Variants in BCAS3 observed in about 807,000 individuals in gnomAD.
BCAS3 encodes the protein BCAS4/BCAS3 fusion.
In BCAS3, 53 loss-of-function variants were observed where a neutral mutation model predicts 116.1. The observed-to-expected ratio is 0.46, with a 90% CI of 0.37 to 0.57. BCAS3 has a LOEUF of 0.57. Ranked by LOEUF, BCAS3 falls within the 20% of genes least tolerant of loss-of-function variation. The pLI is 0.00. For synonymous variants in BCAS3, 391 were observed against 408.2 expected (o/e 0.96, Z 0.51); for missense variants, 917 against 1,165.4 (o/e 0.79, Z 3.10).
rs35691381 is a variant in BCAS3, at chr17:60,770,400, CTTTTTTTTTTTTTTTTTTTT to C, written c.403+23139_403+23158del. 1.2e-3 allele frequency among the ~76,000 whole-genome samples: 90 copies of C among 76,912 alleles called. 4 individuals are homozygous for C. In the East Asian group the frequency reaches 0.023, roughly 20 times the overall value. The allele number at this position is 76,912 out of a possible 152,430, so 50.5% of individuals were successfully genotyped here. On this transcript the variant is annotated intron_variant, in intron 6 of 23. Coordinates refer to ENST00000407086, the MANE Select transcript of BCAS3 (RefSeq NM_017679.5). ...CGCCTCTCTCATCCCAGTGTTCCCT[CTTTTTTTTTTTTTTTTTTTT>C]TTTTTTTTTTTTTTTTTGAGACAGA...
At chr17:61,005,545 T>G (rs984004629) in intron 15 of BCAS3, among the ~76,000 whole-genome samples, 5 of 152,114 alleles carry the variant, frequency 3.3e-5, no homozygotes, top group African/African-American at 1.2e-4. Context: ...CTTTCCCATC[T>G]GAAGGAAATG....
At chr17:60,929,105 T>G (rs1436053293) in intron 13 of BCAS3, among the ~76,000 whole-genome samples, 1 of 152,234 alleles carries the variant, frequency 6.6e-6, no homozygotes, top group East Asian at 1.9e-4. Flanking sequence ...ATAAGTTTAC[T>G]AATGTGATTA....
chr17:61,003,600 G>C (rs1003600234), intron 15 of BCAS3, among the ~76,000 whole-genome samples: 4 of 151,828 alleles, frequency 2.6e-5, no homozygotes, highest in Admixed American at 2.6e-4. Flanking sequence ...ATCTGGAGCA[G>C]TGATTTTCAA....
rs369339861 is a variant in BCAS3 at position 60,889,699 on chromosome 17, C to T, written c.666C>T (p.Cys222=). 219 of 1,612,718 alleles carry T rather than the reference C, an allele frequency of 1.4e-4. No individual in the cohort carries two copies. Among genetic ancestry groups the T allele is most frequent in the Non-Finnish European group, 1.7e-4 (199 of 1,179,576 alleles). The change falls in exon 10 of 24, where the codon TGC becomes TGT. Residue 222 remains cysteine, a synonymous_variant. Coordinates refer to ENST00000407086, the MANE Select transcript of BCAS3 (RefSeq NM_017679.5). ...GTGCCATTTGAAATTTTTCAGGCTGCTATCCATGTCCAGGGCCAAACATGA... is the reference window on the plus strand; with the variant it reads ...GTGCCATTTGAAATTTTTCAGGCTGTTATCCATGTCCAGGGCCAAACATGA... The part of the protein sequence containing the change: ...TFTKKFFVTS[C]YPCPGPNMNP...
chr17:60,837,298 A>G (rs963068248), intron 7 of BCAS3, among the ~76,000 whole-genome samples: 4 of 152,162 alleles, frequency 2.6e-5, no homozygotes, highest in Non-Finnish European at 4.4e-5. Flanking sequence ...AGATTATCAT[A>G]CCTCCTAATT....
At chr17:60,813,706 T>C (rs1354845541) in intron 7 of BCAS3, among the ~76,000 whole-genome samples, 1 of 152,218 alleles carries the variant, frequency 6.6e-6, no homozygotes, top group Non-Finnish European at 1.5e-5. Flanking sequence ...TTGCAATTGC[T>C]TTTGAGGACT....
chr17:61,335,859 G>A (rs540890951), intron 22 of BCAS3, among the ~76,000 whole-genome samples: 16 of 152,260 alleles, frequency 1.1e-4, no homozygotes, highest in Non-Finnish European at 1.3e-4. Context: ...GGCCAAAAAC[G>A]CAAAGCACCA....
At chr17:60,757,828 T>C (rs2144331548) in intron 6 of BCAS3, among the ~76,000 whole-genome samples, 1 of 152,240 alleles carries the variant, frequency 6.6e-6, no homozygotes, top group Non-Finnish European at 1.5e-5. Context: ...GTCATGAAGG[T>C]TTTGCCTAGA....
intron 19 of BCAS3, among the ~76,000 whole-genome samples, chr17:61,046,110 T>A (rs1198945729): frequency 1.5e-5 from 1 of 65,932 alleles, no homozygotes; most frequent in Non-Finnish European, 2.8e-5. Flanking sequence ...TATATATATA[T>A]AAAGTAAAAT....
chr17:61,003,682 T>A (rs1456305822), intron 15 of BCAS3: 1 of 152,138 alleles, frequency 6.6e-6, no homozygotes, highest in Non-Finnish European at 1.5e-5. Context: ...ATCAGACTGA[T>A]TGAACCAAAA....
intron 13 of BCAS3, among the ~76,000 whole-genome samples, chr17:60,933,309 T>C (rs1567902641): frequency 6.6e-6 from 1 of 152,240 alleles, no homozygotes; most frequent in Non-Finnish European, 1.5e-5. Context: ...AAATCCTCAA[T>C]TCTGTGCAAT....
chr17:61,102,749 G>A (rs971788605), intron 22 of BCAS3, among the ~76,000 whole-genome samples: 1 of 152,020 alleles, frequency 6.6e-6, no homozygotes, highest in African/African-American at 2.4e-5. Context: ...AAGAGTATAG[G>A]AACATCTGTC....
intron 22 of BCAS3, among the ~76,000 whole-genome samples, chr17:61,257,460 T>TCCAC (rs2048880141): frequency 6.7e-6 from 1 of 150,302 alleles, no homozygotes. Flanking sequence ...ATTCTGGCAT[T>TCCAC]CCACCCATGT....
At chr17:60,880,875 TAG>T (rs2056064689) in intron 9 of BCAS3, among the ~76,000 whole-genome samples, 2 of 152,372 alleles carry the variant, frequency 1.3e-5, no homozygotes, top group African/African-American at 4.8e-5. Context: ...TTTTATATTC[TAG>T]ATATGTCACT....
intron 14 of BCAS3, among the ~76,000 whole-genome samples, chr17:60,971,385 C>T (rs2061950864): frequency 6.6e-6 from 1 of 152,164 alleles, no homozygotes; most frequent in African/African-American, 2.4e-5. Flanking sequence ...ATACTCAGTT[C>T]TCCTGCTGTC....
At chr17:60,797,473 T>A (rs1028815535) in intron 6 of BCAS3, among the ~76,000 whole-genome samples, 6 of 152,102 alleles carry the variant, frequency 3.9e-5, no homozygotes, top group Non-Finnish European at 8.8e-5. Context: ...TCCGGCCTCC[T>A]GAGTAGCTGG....
intron 22 of BCAS3, among the ~76,000 whole-genome samples, chr17:61,092,718 C>T (rs1487879281): frequency 6.6e-6 from 1 of 151,994 alleles, no homozygotes; most frequent in South Asian, 2.1e-4. Context: ...TTATTGAATA[C>T]CAAGTGTTCT....
intron 22 of BCAS3, among the ~76,000 whole-genome samples, chr17:61,176,081 G>T (rs896115754): frequency 2.1e-5 from 3 of 143,476 alleles, no homozygotes; most frequent in African/African-American, 7.9e-5. Flanking sequence ...GAAGGCTGCA[G>T]TGAGCCATGA....
chr17:60,937,999 C>T lies in BCAS3; in HGVS notation c.1088-9220C>T, dbSNP rs928383032. On this transcript the variant is annotated intron_variant, in intron 13 of 23. Coordinates refer to ENST00000407086, the MANE Select transcript of BCAS3 (RefSeq NM_017679.5). ...AACACTCATTTATCCTTAGACTTTT[C>T]CAATTATATTTCTCACTCTTTTTTT... Among the ~76,000 whole-genome samples the T allele has an allele frequency of 2.5e-4, 38 of 150,996 alleles. 1 individual carries two copies.
Sources: gnomAD v4.1 joint callset for allele counts (sites outside exome capture counted in the v4.1 genomes callset) on GRCh38, gnomAD v4.1.1 for gene constraint, MANE v1.5 for transcripts, NCBI Gene and HGNC (gene_info 2026-07-23, HGNC 2026-07-21) for gene names.